The following PAPPA2 variants were observed in gnomAD, a reference collection of about 807,000 sequenced individuals.
The protein encoded by PAPPA2 is pappalysin 2.
PAPPA2 carries 86 observed loss-of-function variants against 176.4 expected under a neutral mutation model. The observed-to-expected ratio is 0.49, with a 90% confidence interval of 0.41 to 0.58. PAPPA2 has a LOEUF of 0.58. Among genes scored for constraint, PAPPA2 ranks in the 20% least tolerant of loss-of-function variants. The probability of loss-of-function intolerance (pLI) is 0.00; values close to 1 mark genes in which losing one functional copy is unlikely to be tolerated. For synonymous variants in PAPPA2, 809 were observed against 852.2 expected, an observed-to-expected ratio of 0.95 and a Z score of 0.88; for missense variants, 2,073 against 2,256.9, an observed-to-expected ratio of 0.92 and a Z score of 1.65.
Position 176,496,570 on chromosome 1 carries a change from T to A in PAPPA2, c.-917+33152T>A, listed in dbSNP as rs537779676. The stretch of plus-strand genomic sequence containing the variant: ...TCTCATTCTGGGCACCTCGTTGTCT[T>A]TGGTGTCAGTTGGAAGTTCCTTACT... On this transcript the variant is annotated intron_variant, in intron 1 of 22. Transcript: ENST00000367662. Among the ~76,000 whole-genome samples, 38 of 152,252 alleles carry A rather than the reference T, an allele frequency of 2.5e-4. No homozygotes were observed. In the South Asian group the frequency reaches 4.1e-3, roughly 17 times the overall value.
At chr1:176,752,529 A>T (rs1430617931) in intron 14 of PAPPA2, among the ~76,000 whole-genome samples, 1 of 152,168 alleles carries the variant, frequency 6.6e-6, no homozygotes, top group East Asian at 1.9e-4. Flanking sequence ...AAAAATGAGT[A>T]ATCAGTGAAT....
chr1:176,643,965 G>A (rs1386674664), intron 3 of PAPPA2, among the ~76,000 whole-genome samples: 1 of 151,848 alleles, frequency 6.6e-6, no homozygotes, highest in Non-Finnish European at 1.5e-5. Flanking sequence ...GCCAGATGGT[G>A]GGAGTGGAGG....
chr1:176,529,735 G>C (rs1447928595), intron 1 of PAPPA2, among the ~76,000 whole-genome samples: 1 of 151,970 alleles, frequency 6.6e-6, no homozygotes, highest in South Asian at 2.1e-4. Context: ...TTTCAATACC[G>C]TGGAACGTTT....
At chr1:176,536,442 C>T (rs963700078) in intron 1 of PAPPA2, among the ~76,000 whole-genome samples, 1 of 152,214 alleles carries the variant, frequency 6.6e-6, no homozygotes, top group African/African-American at 2.4e-5. Flanking sequence ...TTATTTAGCT[C>T]ATGAGTCTGT....
intron 1 of PAPPA2, among the ~76,000 whole-genome samples, chr1:176,515,288 G>A (rs769164258): frequency 1.3e-5 from 2 of 152,124 alleles, no homozygotes; most frequent in East Asian, 1.9e-4. Flanking sequence ...CCAGGCTAAC[G>A]GGAATGGCTT....
chr1:176,481,233 T>G (rs1226710396), intron 1 of PAPPA2, among the ~76,000 whole-genome samples: 1 of 150,114 alleles, frequency 6.7e-6, no homozygotes, highest in East Asian at 2.0e-4. Flanking sequence ...TTGGTTGATT[T>G]AAGCGCTGAG....
In PAPPA2 at chr1:176,556,751, T is replaced by A. The variant is rs1651323669; in HGVS notation, c.429T>A (p.Asp143Glu). The change falls in exon 2 of 23, where the codon GAT (aspartate) becomes GAA (glutamate). Residue 143 changes from aspartate (D) to glutamate (E), a missense_variant. Around this residue, in one of 4 missense-constraint regions of PAPPA2, gnomAD observed 1,196 missense variants for 1,330.4 expected, o/e 0.90. Transcript: ENST00000367662. ...SPIGQSELLGDDDAYLGNQRS... is the reference protein window; with the variant it reads ...SPIGQSELLGEDDAYLGNQRS... ...TTGGGCAATCTGAGCTGCTGGGAGA[T>A]GATGACGCTTATCTCGGCAATCAAA... 1 of 1,613,784 alleles carries A rather than the reference T, an allele frequency of 6.2e-7. No individual in the cohort carries two copies. The highest frequency in any genetic ancestry group is 1.3e-5 in the African/African-American group (1 of 74,812).
At position 176,564,780 on chromosome 1, in the gene PAPPA2, C is replaced by T. The variant is rs141873117; in HGVS notation, c.919+7539C>T. Among the ~76,000 whole-genome samples, 443 of 146,630 alleles carry T rather than the reference C, an allele frequency of 3.0e-3. 5 individuals are homozygous for T. The highest frequency in any genetic ancestry group is 3.7e-3 in the Non-Finnish European group (251 of 67,250). The stretch of plus-strand genomic sequence containing the variant: ...GAGATGTAACTTATCTTAAAGTTCA[C>T]GTGTTTAAAGTGTACAAATAACGTC... On this transcript the variant is annotated intron_variant, in intron 2 of 22. Transcript: ENST00000367662.
chr1:176,818,455 C>T (rs1170203895), intron 21 of PAPPA2, among the ~76,000 whole-genome samples: 4 of 152,200 alleles, frequency 2.6e-5, no homozygotes, highest in South Asian at 4.1e-4. Flanking sequence ...TCAATGGCAA[C>T]ATCTGCCGTC....
At chr1:176,546,686 A>C (rs544730474) in intron 1 of PAPPA2, among the ~76,000 whole-genome samples, 1 of 152,332 alleles carries the variant, frequency 6.6e-6, no homozygotes, top group East Asian at 1.9e-4. Context: ...AACAAAAGCT[A>C]AGAATTGGTT....
intron 14 of PAPPA2, among the ~76,000 whole-genome samples, chr1:176,742,217 G>C (rs1319473697): frequency 6.6e-6 from 1 of 152,148 alleles, no homozygotes; most frequent in Admixed American, 6.6e-5. Flanking sequence ...ATCTACAGAA[G>C]GCCTAGCACA....
intron 3 of PAPPA2, among the ~76,000 whole-genome samples, chr1:176,646,608 G>A (rs970929166): frequency 6.8e-5 from 10 of 146,222 alleles, no homozygotes; most frequent in Non-Finnish European, 1.2e-4. Flanking sequence ...CTCTGTTACC[G>A]TGAGTTCAAT....
intron 21 of PAPPA2, among the ~76,000 whole-genome samples, chr1:176,822,586 G>C (rs1666707878): frequency 6.6e-6 from 1 of 152,120 alleles, no homozygotes; most frequent in Non-Finnish European, 1.5e-5. Context: ...AGCTTATGAG[G>C]CTTCTCTTGG....
intron 1 of PAPPA2, among the ~76,000 whole-genome samples, chr1:176,472,826 C>T (rs1274905577): frequency 6.6e-6 from 1 of 152,034 alleles, no homozygotes; most frequent in East Asian, 1.9e-4. Context: ...CTGCATTTGT[C>T]TCTACTTTTT....
In PAPPA2 at chr1:176,591,991, A is replaced by G. The variant is rs1054104988; in HGVS notation, c.920-2533A>G. On this transcript the variant is annotated intron_variant, in intron 2 of 22. Coordinates refer to ENST00000367662, the MANE Select transcript of PAPPA2 (RefSeq NM_020318.3). ...TCTACTAAGCTCAGTGAGGAATTTG[A>G]TTTCTTTTGTAATATGGTATAAGCT... 7.2e-5 allele frequency among the ~76,000 whole-genome samples: 11 copies of G among 152,260 alleles called. No homozygotes were observed. The East Asian group carries it at 2.1e-3, about 29-fold the overall frequency.
intron 1 of PAPPA2, among the ~76,000 whole-genome samples, chr1:176,514,052 C>A (rs978263472): frequency 6.6e-6 from 1 of 152,106 alleles, no homozygotes; most frequent in African/African-American, 2.4e-5. Flanking sequence ...CAAGATACTC[C>A]CTGTGTTTGT....
intron 3 of PAPPA2, among the ~76,000 whole-genome samples, chr1:176,629,055 A>G (rs1656193410): frequency 6.6e-6 from 1 of 152,186 alleles, no homozygotes; most frequent in Non-Finnish European, 1.5e-5. Context: ...TTTCTCAGAG[A>G]GAGACATTTA....
chr1:176,748,462 A>G (rs1663020337), intron 14 of PAPPA2, among the ~76,000 whole-genome samples: 1 of 152,158 alleles, frequency 6.6e-6, no homozygotes, highest in Non-Finnish European at 1.5e-5. Flanking sequence ...GAAAAAGCAC[A>G]TCTATTTTAT....
chr1:176,800,236 C>T (rs1046930749), intron 21 of PAPPA2, 104 bp downstream of exon 21: 3 of 1,038,116 alleles, frequency 2.9e-6, no homozygotes, highest in African/African-American at 1.6e-5. Context: ...TCTCCTATTC[C>T]TCTGTCCTTT....
Sources: allele counts gnomAD v4.1 joint callset (sites outside exome capture counted in the v4.1 genomes callset), GRCh38; gene constraint gnomAD v4.1.1; regional missense constraint gnomAD v4.1.1; transcripts MANE v1.5; gene names NCBI Gene and HGNC (gene_info 2026-07-23, HGNC 2026-07-21).